SUMF1: variants seen among roughly 807,000 people sequenced by gnomAD.
SUMF1 encodes the protein formylglycine-generating enzyme.
In SUMF1, 48 loss-of-function variants were observed where a neutral mutation model predicts 47.6. The ratio of observed to expected loss-of-function variants is 1.01; its 90% CI spans 0.80 to 1.28. SUMF1 has a LOEUF of 1.28. SUMF1 is among the 50% of genes most tolerant of loss of function. SUMF1 has a pLI of 0.00. For synonymous variants in SUMF1, 230 were observed against 192.1 expected, an observed-to-expected ratio of 1.20 and a Z score of -1.63; for missense variants, 571 against 485.4, an observed-to-expected ratio of 1.18 and a Z score of -1.66.
At chr3:4,278,670 G>A (rs1371736941) in intron 8 of SUMF1, among the ~76,000 whole-genome samples, 4 of 152,014 alleles carry the variant, frequency 2.6e-5, no homozygotes, top group Admixed American at 6.6e-5. Context: ...GTCATCAGTC[G>A]AACCAAGATT....
chr3:4,196,980 C>T (rs1263028660), intron 8 of SUMF1, among the ~76,000 whole-genome samples: 1 of 152,146 alleles, frequency 6.6e-6, no homozygotes, highest in Non-Finnish European at 1.5e-5. Flanking sequence ...AGCAACCTTC[C>T]ATTCTAACCC....
At chr3:4,456,745 C>CGTATAT (rs1240573357) in intron 1 of SUMF1, among the ~76,000 whole-genome samples, 39 of 12,610 alleles carry the variant, frequency 3.1e-3, no homozygotes, top group Admixed American at 4.8e-3. Context: ...TATATACACA[C>CGTATAT]ATATATACGT....
chr3:4,081,855 A>G (rs1002021450), intron 8 of SUMF1, among the ~76,000 whole-genome samples: 4 of 152,162 alleles, frequency 2.6e-5, no homozygotes, highest in Non-Finnish European at 4.4e-5. Flanking sequence ...CTGATAAAGT[A>G]TGTAAAGCTC....
chr3:4,138,050 T>A (rs556315274), intron 8 of SUMF1, among the ~76,000 whole-genome samples: 1 of 151,934 alleles, frequency 6.6e-6, no homozygotes, highest in East Asian at 1.9e-4. Context: ...TTAAGAAAAC[T>A]CCCCATTTAT....
chr3:4,108,616 G>A (rs1693214279), intron 8 of SUMF1, among the ~76,000 whole-genome samples: 1 of 151,890 alleles, frequency 6.6e-6, no homozygotes, highest in Non-Finnish European at 1.5e-5. Context: ...CCCATATTGG[G>A]TGCATATATA....
chr3:4,181,887 G>T (rs903911897), intron 8 of SUMF1, among the ~76,000 whole-genome samples: 1 of 152,046 alleles, frequency 6.6e-6, no homozygotes, highest in Non-Finnish European at 1.5e-5. Context: ...ACAGGCTGCT[G>T]ATTGGCTGTC....
intron 8 of SUMF1, among the ~76,000 whole-genome samples, chr3:4,258,591 A>G (rs1019579638): frequency 2.6e-5 from 4 of 152,130 alleles, no homozygotes; most frequent in Non-Finnish European, 5.9e-5. Context: ...TAGAATGGCA[A>G]TCACTAAAAA....
chr3:4,422,436 A>C (rs1372359431), intron 3 of SUMF1, among the ~76,000 whole-genome samples: 3 of 152,144 alleles, frequency 2.0e-5, no homozygotes. Flanking sequence ...AACCTCCATG[A>C]ATGACTTTTC....
chr3:4,233,159 C>G (rs1051752235), intron 8 of SUMF1, among the ~76,000 whole-genome samples: 1 of 152,116 alleles, frequency 6.6e-6, no homozygotes, highest in Non-Finnish European at 1.5e-5. Flanking sequence ...TTGGCAGCAG[C>G]AGACGCTTTA....
At chr3:4,400,566 G>A (rs1180239940) in intron 7 of SUMF1, among the ~76,000 whole-genome samples, 1 of 152,202 alleles carries the variant, frequency 6.6e-6, no homozygotes, top group African/African-American at 2.4e-5. Flanking sequence ...ATGCTGAAGG[G>A]GAAAGGATTT....
intron 8 of SUMF1, among the ~76,000 whole-genome samples, chr3:4,125,117 CTT>C (rs1693627289): frequency 6.6e-6 from 1 of 152,006 alleles, no homozygotes; most frequent in East Asian, 1.9e-4. Context: ...AATAAAAAAA[CTT>C]TGTGTTTTAT....
intron 8 of SUMF1, among the ~76,000 whole-genome samples, chr3:4,364,934 T>C (rs1699899033): frequency 6.6e-6 from 1 of 151,244 alleles, no homozygotes; most frequent in Non-Finnish European, 1.5e-5. Context: ...GTCTTTGTTC[T>C]TGTTGGTTTC....
At chr3:4,200,083 A>T (rs1356751971) in intron 8 of SUMF1, among the ~76,000 whole-genome samples, 1 of 151,542 alleles carries the variant, frequency 6.6e-6, no homozygotes, top group Non-Finnish European at 1.5e-5. Context: ...CTCATCTTTA[A>T]TTCTGGAACT....
intron 8 of SUMF1, among the ~76,000 whole-genome samples, chr3:4,225,730 C>A (rs766919594): frequency 2.0e-5 from 3 of 152,092 alleles, no homozygotes; most frequent in Non-Finnish European, 2.9e-5. Context: ...TCTGTAGGTT[C>A]TTTACAATTA....
At chr3:4,130,309 C>G (rs4410433) in intron 8 of SUMF1, among the ~76,000 whole-genome samples, 38,975 of 152,080 alleles carry the variant, frequency 0.26, 5,852 homozygotes, top group East Asian at 0.4. Context: ...TTGACAAATG[C>G]CTTTTTCTCC....
At chr3:4,037,019 G>A (rs1431966108) in intron 9 of SUMF1, among the ~76,000 whole-genome samples, 2 of 152,030 alleles carry the variant, frequency 1.3e-5, no homozygotes, top group Non-Finnish European at 2.9e-5. Flanking sequence ...AAAGTTTCAA[G>A]GAGACACAAA....
chr3:4,465,629 T>C (rs2633840), intron 1 of SUMF1, among the ~76,000 whole-genome samples: 145,504 of 152,188 alleles, frequency 0.96, 69,907 homozygotes, highest in East Asian at 1. Flanking sequence ...CTGCAGGACA[T>C]GCTCTAAGGG....
At chr3:4,325,525 ATG>A (rs200646876) in intron 8 of SUMF1, among the ~76,000 whole-genome samples, 5 of 150,706 alleles carry the variant, frequency 3.3e-5, no homozygotes, top group South Asian at 2.1e-4. Context: ...GCATATATGT[ATG>A]TGTGTGTGTG....
intron 8 of SUMF1, among the ~76,000 whole-genome samples, chr3:4,306,357 T>C (rs777435113): frequency 3.5e-4 from 54 of 152,336 alleles, no homozygotes; most frequent in Admixed American, 7.8e-4. Context: ...CATGAGGTTT[T>C]CTATTTCTCA....
Sources: gnomAD v4.1 joint callset for allele counts (sites outside exome capture counted in the v4.1 genomes callset) on GRCh38, gnomAD v4.1.1 for gene constraint, MANE v1.5 for transcripts, NCBI Gene and HGNC (gene_info 2026-07-23, HGNC 2026-07-21) for gene names.